The following PPP2R5B variants were observed in gnomAD, a reference collection of about 807,000 sequenced individuals.
PPP2R5B encodes the protein serine/threonine-protein phosphatase 2A 56 kDa regulatory subunit beta isoform.
Under a neutral mutation model 59.9 loss-of-function variants are expected in PPP2R5B, and 19 were observed. That is an observed-to-expected ratio of 0.32 (90% CI 0.22 to 0.47). The LOEUF (loss-of-function observed/expected upper bound fraction) is 0.47, where lower values mean the gene tolerates loss of function less well. PPP2R5B is among the 20% of genes least tolerant of loss of function. PPP2R5B has a pLI of 1.00. For synonymous variants in PPP2R5B, 286 were observed against 260.5 expected (o/e 1.10, Z -0.94); for missense variants, 441 against 640.2 (o/e 0.69, Z 3.36).
Position 64,928,345 on chromosome 11 carries a change from G to T in PPP2R5B, c.642G>T (p.Lys214Asn). Residue 214 changes from lysine to asparagine, a missense_variant, in exon 6 of 14, where the codon AAG (lysine) becomes AAT (asparagine). Physicochemically the swap from Lys to Asn is moderately conservative, Grantham distance 94. Around this residue, in one of 3 missense-constraint regions of PPP2R5B, gnomAD observed 268 missense variants for 488.1 expected, o/e 0.55. Transcript: ENST00000164133. ...SEDPREREYL[K>N]TILHRVYGKF... ...ATCCCCGGGAGCGTGAGTACCTCAA[G>T]ACCATCCTGCACCGGGTCTATGGCA... is the stretch of plus-strand genomic sequence containing the variant. 1 of 1,614,244 alleles carries T rather than the reference G, an allele frequency of 6.2e-7. No individual in the cohort carries two copies. The highest frequency in any genetic ancestry group is 8.5e-7 in the Non-Finnish European group (1 of 1,180,044).
chr11:64,927,682 G>C, intron 3 of PPP2R5B, 120 bp from the exon 4 acceptor site: 3 of 769,454 alleles, frequency 3.9e-6, no homozygotes, highest in Non-Finnish European at 6.3e-6. Flanking sequence ...GCTCCAGCTT[G>C]GGCAACAGAG....
rs528774945 is a variant in PPP2R5B, at chr11:64,934,110, G to A, written c.*266G>A. On this transcript the variant is annotated 3_prime_UTR_variant, in exon 14 of 14. Coordinates refer to ENST00000164133, the MANE Select transcript of PPP2R5B (RefSeq NM_006244.4). ...GCCATCAGGGATCTTCCCCTGCCCC[G>A]CAAAGCTAGGCTCCAGCTGCAGGCG... 95 of 406,204 alleles carry A rather than the reference G, an allele frequency of 2.3e-4. 1 individual carries two copies. The highest frequency in any genetic ancestry group is 2.7e-4 in the East Asian group (7 of 25,978). The allele number at this position is 406,204 out of a possible 1,614,324, so 25.2% of individuals were successfully genotyped here.
chr11:64,927,277 C>A (rs1446848907), intron 3 of PPP2R5B, among the ~76,000 whole-genome samples: 1 of 152,252 alleles, frequency 6.6e-6, no homozygotes, highest in Non-Finnish European at 1.5e-5. Context: ...TGGATTGCAC[C>A]TGCCTAGAAG....
chr11:64,933,648 G>T, intron 13 of PPP2R5B, 49 bp from the exon 14 acceptor site: 1 of 1,527,900 alleles, frequency 6.5e-7, no homozygotes, highest in Non-Finnish European at 8.8e-7. Context: ...AGGGAGTCTG[G>T]ACTGTGGGGG....
intron 3 of PPP2R5B, among the ~76,000 whole-genome samples, 164 bp downstream of exon 3, chr11:64,927,072 T>C (rs1836274375): frequency 6.6e-6 from 1 of 152,034 alleles, no homozygotes; most frequent in South Asian, 2.1e-4. Flanking sequence ...ACCCACTGAA[T>C]GCCTCCGGGC....
At chr11:64,930,270 G>T in intron 6 of PPP2R5B, 52 bp from the exon 7 acceptor site, 2 of 1,592,316 alleles carry the variant, frequency 1.3e-6, no homozygotes, top group Non-Finnish European at 8.6e-7. Context: ...GCCTAAGGGG[G>T]CACTGGGCCT....
intron 3 of PPP2R5B, chr11:64,927,590 C>A (rs1945181749): frequency 3.5e-6 from 2 of 563,918 alleles, no homozygotes; most frequent in South Asian, 4.2e-5. Context: ...TGTAGTCCAG[C>A]TACTCAGAAG....
chr11:64,931,693 G>A lies in PPP2R5B; in HGVS notation c.997-56G>A, dbSNP rs1212910722. 21 of 1,613,810 alleles carry A rather than the reference G, an allele frequency of 1.3e-5. No individual in the cohort carries two copies. Among genetic ancestry groups the A allele is most frequent in the Non-Finnish European group, 1.7e-5 (20 of 1,179,918 alleles). ...AGGCAGTCAGGTGTGTGTATGTGTA[G>A]GGGGAGATGTGAGCTGCTGCCCCTC... On this transcript the variant is annotated intron_variant, in intron 10 of 13. Coordinates refer to ENST00000164133, the MANE Select transcript of PPP2R5B (RefSeq NM_006244.4). The surrounding 1 kb of genome is among the most constrained non-coding windows in gnomAD (Gnocchi z 5.0).
At chr11:64,926,678 G>A (rs746956231) in intron 2 of PPP2R5B, 34 bp from the exon 3 acceptor site, 9 of 1,607,648 alleles carry the variant, frequency 5.6e-6, no homozygotes, top group Non-Finnish European at 7.7e-6. Context: ...TGGGGGAGCT[G>A]GGGCCCAGGC....
rs1945142592 is a variant in PPP2R5B at position 64,924,860 on chromosome 11, T to G, written c.-433T>G. On this transcript the variant is annotated 5_prime_UTR_variant, in exon 1 of 14. Transcript: ENST00000164133. ...CGCCCAGTCCCGGCCCGGGGCTGAG[T>G]TGGGGGCATGCTCTAGCCGCCCCCC... is the stretch of plus-strand genomic sequence containing the variant. The G allele has an allele frequency of 6.6e-6, 1 of 152,192 alleles. No individual in the cohort carries two copies. Among genetic ancestry groups the G allele is most frequent in the Non-Finnish European group, 1.5e-5 (1 of 68,118 alleles). 9.4% of individuals were successfully genotyped at this position (152,192 alleles called of 1,614,324 possible). A position where few individuals can be genotyped will look rare whatever the true frequency, so the allele number is the denominator to read the frequency against.
chr11:64,931,921 G>A lies in PPP2R5B; in HGVS notation c.1116+53G>A. ...AGCAGGGCTGGCCTGGAAAGGTTGG[G>A]TAGCTGACCTAATAAAGCTCCCTTT... On this transcript the variant is annotated intron_variant, in intron 11 of 13. Transcript: ENST00000164133. The surrounding 1 kb of genome is among the most constrained non-coding windows in gnomAD (Gnocchi z 5.0). 1 of 1,588,558 alleles carries A rather than the reference G, an allele frequency of 6.3e-7. No homozygotes were observed. Among genetic ancestry groups the A allele is most frequent in the Non-Finnish European group, 8.6e-7 (1 of 1,168,032 alleles).
rs911837525 is a variant in PPP2R5B, at chr11:64,934,465, G to T, written c.*621G>T. ...TGGCTGGGGGTAGACTTAATAAAGA[G>T]AGAAATTCAAGAACTGCTTGCTTTA... On this transcript the variant is annotated 3_prime_UTR_variant, in exon 14 of 14. Transcript: ENST00000164133. 4.2e-6 allele frequency: 2 copies of T among 473,952 alleles called. No homozygotes were observed. The highest frequency in any genetic ancestry group is 6.9e-5 in the Admixed American group (2 of 29,042). 29.4% of individuals were successfully genotyped at this position (473,952 alleles called of 1,614,324 possible).
chr11:64,927,844 C>T lies in PPP2R5B; in HGVS notation c.439C>T (p.Pro147Ser), dbSNP rs771803603. ...IFRTLPPSENPEFDPEEDEPN... is the reference protein window; with the variant it reads ...IFRTLPPSENSEFDPEEDEPN... ...CCGGACTCTGCCGCCCAGTGAGAAC[C>T]CTGAATTTGACCCTGAAGAGGATGA... Residue 147 changes from proline to serine, a missense_variant, in exon 4 of 14, where the codon CCT becomes TCT. Transcript: ENST00000164133. 7 of 1,613,154 alleles carry T rather than the reference C, an allele frequency of 4.3e-6. No homozygotes were observed.
intron 3 of PPP2R5B, 139 bp downstream of exon 3, chr11:64,927,047 C>T (rs902620840): frequency 9.8e-7 from 1 of 1,020,178 alleles, no homozygotes; most frequent in Non-Finnish European, 1.4e-6. Flanking sequence ...TCCCCCCGAC[C>T]TGCTGCTGCC....
chr11:64,919,643 C>G (rs1485118713), intron 1 of PPP2R5B, among the ~76,000 whole-genome samples: 1 of 151,940 alleles, frequency 6.6e-6, no homozygotes, highest in Non-Finnish European at 1.5e-5. Context: ...CATTTGAGCC[C>G]AGGAGTTTGA....
rs1945215258 is a variant in PPP2R5B, at chr11:64,930,338, G to A, written c.739G>A (p.Glu247Lys). Residue 247 changes from glutamate to lysine, a missense_variant, in exon 7 of 14, where the codon GAG (glutamate) becomes AAG (lysine). Around this residue, in one of 3 missense-constraint regions of PPP2R5B, gnomAD observed 268 missense variants for 488.1 expected, o/e 0.55. Transcript: ENST00000164133. ...HIFLRFIYEF[E>K]HFNGVAELLE... ...CTCTTGCAGGTTCATCTATGAATTC[G>A]AGCACTTCAATGGTGTGGCTGAGCT... 3.1e-6 allele frequency: 5 copies of A among 1,613,990 alleles called. No homozygotes were observed. Among genetic ancestry groups the A allele is most frequent in the African/African-American group, 1.3e-5 (1 of 75,018 alleles).
chr11:64,921,377 T>A (rs1007022429), upstream of PPP2R5B, among the ~76,000 whole-genome samples: 1 of 151,880 alleles, frequency 6.6e-6, no homozygotes, highest in Non-Finnish European at 1.5e-5. Context: ...TTCCTCCCCA[T>A]AGAGAGAAAA....
intron 13 of PPP2R5B, among the ~76,000 whole-genome samples, 166 bp from the exon 14 acceptor site, chr11:64,933,530 TC>T (rs1312142772): frequency 6.6e-6 from 1 of 152,208 alleles, no homozygotes; most frequent in Non-Finnish European, 1.5e-5. Context: ...GATCTGTCTG[TC>T]CTCTGCTCTC....
Position 64,928,002 on chromosome 11 carries a change from T to C in PPP2R5B, c.499-64T>C, listed in dbSNP as rs1290529010. ...CCCCTAGACAGTTGGATGAGGGCCA[T>C]AGGGTGGAATGAGTGGGTGAGGCTG... On this transcript the variant is annotated intron_variant, in intron 4 of 13. Transcript: ENST00000164133. 37 of 1,574,504 alleles carry C rather than the reference T, an allele frequency of 2.3e-5. No homozygotes were observed. The Admixed American group carries it at 4.5e-4, about 19-fold the overall frequency.
Sources: allele counts gnomAD v4.1 joint callset (sites outside exome capture counted in the v4.1 genomes callset), GRCh38; gene constraint gnomAD v4.1.1; regional missense constraint gnomAD v4.1.1; non-coding constraint Gnocchi (gnomAD v3.1); transcripts MANE v1.5; gene names NCBI Gene and HGNC (gene_info 2026-07-23, HGNC 2026-07-21).